The following CRY1 variants were observed in gnomAD, a reference collection of about 807,000 sequenced individuals.
The protein encoded by CRY1 is cryptochrome circadian regulator 1.
Under a neutral mutation model 76.0 loss-of-function variants are expected in CRY1, and 45 were observed. The observed-to-expected ratio is 0.59, with a 90% CI of 0.47 to 0.76. The LOEUF (loss-of-function observed/expected upper bound fraction) is 0.76. Among genes scored for constraint, CRY1 ranks in the 30% least tolerant of loss-of-function variants. The probability of loss-of-function intolerance (pLI) is 0.00; values close to 1 mark genes in which losing one functional copy is unlikely to be tolerated. For missense variants in CRY1, 587 were observed against 716.4 expected (o/e 0.82, Z 2.06); for synonymous variants, 248 against 244.0 (o/e 1.02, Z -0.15).
rs77640899 is a variant in CRY1, at chr12:107,008,274, A to G, written c.268-3026T>C. On this transcript the variant is annotated intron_variant, in intron 2 of 12. Coordinates refer to ENST00000008527, the MANE Select transcript of CRY1 (RefSeq NM_004075.5). ...AAATTAGTGAACATCTCTCCAAAAGAAAAATGAAAATCTAGGGAAGAGAAA... is the reference window on the plus strand; with the variant it reads ...AAATTAGTGAACATCTCTCCAAAAGGAAAATGAAAATCTAGGGAAGAGAAA... 4.0e-3 allele frequency among the ~76,000 whole-genome samples: 609 copies of G among 152,358 alleles called. 6 individuals are homozygous for G. Among genetic ancestry groups the G allele is most frequent in the African/African-American group, 0.014 (579 of 41,576 alleles).
Position 107,093,105 on chromosome 12 carries a change from G to A in CRY1, c.-144C>T, listed in dbSNP as rs896306466. 1.9e-5 allele frequency: 19 copies of A among 994,428 alleles called. No homozygotes were observed. Among genetic ancestry groups the A allele is most frequent in the Non-Finnish European group, 2.2e-5 (16 of 714,208 alleles). The allele number at this position is 994,428 out of a possible 1,614,324, so 61.6% of individuals were successfully genotyped here. The stretch of plus-strand genomic sequence containing the variant: ...AGGGGGAACAGGAAAAAATGACTCC[G>A]AGGAGGGGACCGGAGAAGGCGGGGG... On this transcript the variant is annotated 5_prime_UTR_variant, in exon 1 of 13. Coordinates refer to ENST00000008527, the MANE Select transcript of CRY1 (RefSeq NM_004075.5).
intron 1 of CRY1, among the ~76,000 whole-genome samples, chr12:107,030,586 C>G (rs1488619165): frequency 2.6e-5 from 4 of 152,144 alleles, no homozygotes; most frequent in African/African-American, 9.7e-5. Context: ...TCAGTCAAAA[C>G]AGGTCACATG....
intron 1 of CRY1, among the ~76,000 whole-genome samples, chr12:107,087,271 G>C (rs1953414599): frequency 6.6e-6 from 1 of 152,026 alleles, no homozygotes; most frequent in Non-Finnish European, 1.5e-5. Context: ...GGAGTGGAAA[G>C]TGAGGAAGTG....
At chr12:107,043,165 C>T (rs925305150) in intron 1 of CRY1, 1 of 152,248 alleles carries the variant, frequency 6.6e-6, no homozygotes, top group Admixed American at 6.5e-5. Context: ...CATCCCCAAG[C>T]CAAGCTTCCT....
At chr12:107,087,993 C>G (rs1045045099) in intron 1 of CRY1, among the ~76,000 whole-genome samples, 4 of 152,094 alleles carry the variant, frequency 2.6e-5, no homozygotes, top group Non-Finnish European at 4.4e-5. Context: ...GAGCCATGAT[C>G]ACGCCTCTGC....
rs1037485804 is a variant in CRY1, at chr12:107,093,188, T to C, written c.-227A>G. 1.2e-5 allele frequency: 6 copies of C among 510,680 alleles called. No individual in the cohort carries two copies. The highest frequency in any genetic ancestry group is 2.0e-5 in the African/African-American group (1 of 50,404). 31.6% of individuals were successfully genotyped at this position (510,680 alleles called of 1,614,324 possible). ...TTGCCTAGTCGGCGGAGTCCGGGTGTGACGCCCTTTAGGAGCCCGCGCCCG... is the reference window on the plus strand; with the variant it reads ...TTGCCTAGTCGGCGGAGTCCGGGTGCGACGCCCTTTAGGAGCCCGCGCCCG... On this transcript the variant is annotated 5_prime_UTR_variant, in exon 1 of 13. Coordinates refer to ENST00000008527, the MANE Select transcript of CRY1 (RefSeq NM_004075.5).
chr12:107,070,774 C>T (rs759378935), intron 1 of CRY1, among the ~76,000 whole-genome samples: 40 of 151,318 alleles, frequency 2.6e-4, no homozygotes, highest in Non-Finnish European at 4.6e-4. Context: ...GACCTTGGCT[C>T]ACTGCAAGCT....
At chr12:107,025,774 C>A (rs1046668824) in intron 1 of CRY1, among the ~76,000 whole-genome samples, 3 of 151,978 alleles carry the variant, frequency 2.0e-5, no homozygotes, top group Non-Finnish European at 4.4e-5. Context: ...AGGTTTTCAA[C>A]GACTCATTCC....
chr12:107,032,373 A>C lies in CRY1; in HGVS notation c.159-10181T>G, dbSNP rs4257075. Among the ~76,000 whole-genome samples the C allele has an allele frequency of 5.7e-4, 87 of 152,354 alleles. No individual in the cohort carries two copies. In the East Asian group the frequency reaches 0.014, roughly 24 times the overall value. On this transcript the variant is annotated intron_variant, in intron 1 of 12. Coordinates refer to ENST00000008527, the MANE Select transcript of CRY1 (RefSeq NM_004075.5). Reference sequence around the variant, plus strand: ...TACAAATCTAAAATTATTCAAAAAAATTTTATTAAAAAAATCCTCCGAGAA... The same window carrying C: ...TACAAATCTAAAATTATTCAAAAAACTTTTATTAAAAAAATCCTCCGAGAA...
chr12:107,005,311 G>A (rs1287642972), intron 2 of CRY1, 63 bp from the exon 3 acceptor site: 7 of 1,491,574 alleles, frequency 4.7e-6, no homozygotes, highest in South Asian at 4.0e-5. Flanking sequence ...CTATTATAAC[G>A]AAAAGTGAAA....
chr12:107,088,954 C>T (rs993939107), intron 1 of CRY1, among the ~76,000 whole-genome samples: 2 of 152,212 alleles, frequency 1.3e-5, no homozygotes, highest in African/African-American at 2.4e-5. Context: ...TCTCTCTATA[C>T]ATTTGCCCAC....
intron 3 of CRY1, among the ~76,000 whole-genome samples, chr12:107,003,740 A>G (rs927726646): frequency 3.3e-5 from 5 of 152,220 alleles, no homozygotes; most frequent in South Asian, 2.1e-4. Context: ...AACATTTTCT[A>G]TATGTTACAT....
chr12:107,018,762 A>G (rs568632652), intron 2 of CRY1, among the ~76,000 whole-genome samples: 2 of 152,330 alleles, frequency 1.3e-5, no homozygotes, highest in Non-Finnish European at 1.5e-5. Context: ...ATATTAAGTC[A>G]GAGTTTAACT....
intron 2 of CRY1, among the ~76,000 whole-genome samples, chr12:107,016,205 T>C (rs754580846): frequency 9.2e-5 from 14 of 151,874 alleles, no homozygotes; most frequent in Non-Finnish European, 1.8e-4. Flanking sequence ...AGCTACTCAG[T>C]AGGCTGAGGC....
At chr12:107,009,461 C>G (rs1393409533) in intron 2 of CRY1, among the ~76,000 whole-genome samples, 1 of 151,308 alleles carries the variant, frequency 6.6e-6, no homozygotes, top group African/African-American at 2.4e-5. Context: ...ATTGCTTGAA[C>G]CCGGGAGGTA....
intron 2 of CRY1, among the ~76,000 whole-genome samples, chr12:107,006,808 C>A (rs570159696): frequency 6.6e-6 from 1 of 152,176 alleles, no homozygotes; most frequent in African/African-American, 2.4e-5. Context: ...CATACCACCA[C>A]AACTAGCTAA....
At chr12:107,083,838 C>A (rs775125519) in intron 1 of CRY1, among the ~76,000 whole-genome samples, 5 of 152,068 alleles carry the variant, frequency 3.3e-5, no homozygotes, top group Non-Finnish European at 7.4e-5. Context: ...GAAATTCTGG[C>A]CAGGGCAATC....
chr12:107,001,364 A>G lies in CRY1; in HGVS notation c.600T>C (p.Phe200=), dbSNP rs757651822. 6.2e-7 allele frequency: 1 copy of G among 1,605,484 alleles called. No homozygotes were observed. The highest frequency in any genetic ancestry group is 8.5e-7 in the Non-Finnish European group (1 of 1,177,606). The change falls in exon 5 of 13, where the codon TTT becomes TTC. Residue 200 remains phenylalanine (F), a synonymous_variant. Transcript: ENST00000008527. ...YGVPSLEELG[F]DTDGLSSAVW... is the part of the protein sequence containing the mutation. ...CTGCAGAGGATAAGCCATCTGTATC[A>G]AAACCTACAAGAAAGAAAAGAAAAA...
chr12:107,058,958 G>T (rs1365219798), intron 1 of CRY1, among the ~76,000 whole-genome samples: 1 of 152,190 alleles, frequency 6.6e-6, no homozygotes, highest in African/African-American at 2.4e-5. Flanking sequence ...TGTAAGCACA[G>T]ATATGGCCTA....
Sources: allele counts gnomAD v4.1 joint callset (sites outside exome capture counted in the v4.1 genomes callset), GRCh38; gene constraint gnomAD v4.1.1; transcripts MANE v1.5; gene names NCBI Gene and HGNC (gene_info 2026-07-23, HGNC 2026-07-21).